The following THBS4 variants were observed in gnomAD, a reference collection of about 807,000 sequenced individuals.
The protein encoded by THBS4 is thrombospondin 4.
THBS4 carries 90 observed loss-of-function variants against 115.7 expected under a neutral mutation model. That is an observed-to-expected ratio of 0.78 (90% CI 0.66 to 0.93). The LOEUF (loss-of-function observed/expected upper bound fraction) is 0.93. Among genes scored for constraint, THBS4 ranks in the 40% least tolerant of loss-of-function variants. The pLI is 0.00. For missense variants in THBS4, 1,087 were observed against 1,232.7 expected (o/e 0.88, Z 1.77); for synonymous variants, 460 against 479.3 (o/e 0.96, Z 0.53).
At chr5:80,014,674 T>C (rs553634424) in intron 2 of THBS4, among the ~76,000 whole-genome samples, 2 of 152,226 alleles carry the variant, frequency 1.3e-5, no homozygotes, top group South Asian at 4.1e-4. Flanking sequence ...ACATTTGGGG[T>C]ATGAGGAATG....
Position 80,059,719 on chromosome 5 carries a change from G to C in THBS4, c.801G>C (p.Gln267His). 2 of 1,614,160 alleles carry C rather than the reference G, an allele frequency of 1.2e-6. No individual in the cohort carries two copies. Among genetic ancestry groups the C allele is most frequent in the Non-Finnish European group, 1.7e-6 (2 of 1,180,010 alleles). ...ECQACGPLKFQSPTPSTVVPP... is the reference protein window; with the variant it reads ...ECQACGPLKFHSPTPSTVVPP... Reference sequence around the variant, plus strand: ...TTTCTCTAGGTCCTCTCAAGTTTCAGTCTCCGACCCCAAGCACGGTGGTGC... The same window carrying C: ...TTTCTCTAGGTCCTCTCAAGTTTCACTCTCCGACCCCAAGCACGGTGGTGC... The change falls in exon 7 of 22, where the codon CAG (glutamine) becomes CAC (histidine). Residue 267 changes from glutamine (Q) to histidine (H), a missense_variant. Transcript: ENST00000350881.
upstream of THBS4, among the ~76,000 whole-genome samples, chr5:80,030,960 C>T (rs1832576104): frequency 6.6e-6 from 1 of 152,168 alleles, no homozygotes; most frequent in Non-Finnish European, 1.5e-5. Context: ...TGCCAAATAT[C>T]AGTGCACAGT....
At chr5:80,054,182 G>C (rs1301710515) in intron 2 of THBS4, among the ~76,000 whole-genome samples, 1 of 141,938 alleles carries the variant, frequency 7.0e-6, no homozygotes, top group Non-Finnish European at 1.5e-5. Context: ...TTTGAGACAG[G>C]ATCGCTCTTT....
chr5:79,992,333 T>G (rs1044933975), intron 1 of THBS4, among the ~76,000 whole-genome samples: 9 of 152,232 alleles, frequency 5.9e-5, no homozygotes, highest in African/African-American at 2.2e-4. Context: ...CTCTGAGTTC[T>G]TTCCTCTATT....
chr5:80,061,516 C>G lies in THBS4; in HGVS notation c.988-179C>G, dbSNP rs930515136. 4.6e-5 allele frequency among the ~76,000 whole-genome samples: 7 copies of G among 152,186 alleles called. No individual in the cohort carries two copies. In the South Asian group the frequency reaches 1.0e-3, roughly 22 times the overall value. On this transcript the variant is annotated intron_variant, in intron 7 of 21. Transcript: ENST00000350881. ...ACAGCAAAGCCTACTAAAAAGCAACCTCAGATTGTGTGGTCAGGGATTCAG... is the reference window on the plus strand; with the variant it reads ...ACAGCAAAGCCTACTAAAAAGCAACGTCAGATTGTGTGGTCAGGGATTCAG...
At position 80,076,858 on chromosome 5, in the gene THBS4, T is replaced by C. The variant is rs780955741; in HGVS notation, c.1896T>C (p.Asp632=). ...TCACCTGTCCTTTCTCCTGCAGTGATGGAGATGGGCACCAGGACAGCACAG... is the reference window on the plus strand; with the variant it reads ...TCACCTGTCCTTTCTCCTGCAGTGACGGAGATGGGCACCAGGACAGCACAG... The part of the protein sequence containing the change: ...GDSCDTNQDS[D]GDGHQDSTDN... Residue 632 remains aspartate (D), a synonymous_variant, in exon 16 of 22, where the codon GAT becomes GAC. Coordinates refer to ENST00000350881, the MANE Select transcript of THBS4 (RefSeq NM_003248.6). The C allele has an allele frequency of 8.2e-6, 13 of 1,580,484 alleles. No homozygotes were observed. The highest frequency in any genetic ancestry group is 3.5e-5 in the Admixed American group (2 of 57,304).
chr5:80,069,194 C>A (rs1833944609), intron 10 of THBS4, among the ~76,000 whole-genome samples: 1 of 152,226 alleles, frequency 6.6e-6, no homozygotes, highest in South Asian at 2.1e-4. Context: ...CCATCTTTAT[C>A]TCAAAGTTAT....
intron 1 of THBS4, among the ~76,000 whole-genome samples, chr5:79,993,395 C>T (rs989515979): frequency 5.9e-5 from 9 of 152,312 alleles, no homozygotes; most frequent in African/African-American, 2.2e-4. Context: ...GAGAACCACA[C>T]AGAAAATTGA....
At chr5:80,068,217 C>G (rs893295479) in intron 10 of THBS4, 92 bp downstream of exon 10, 2 of 1,471,820 alleles carry the variant, frequency 1.4e-6, no homozygotes, top group Non-Finnish European at 1.9e-6. Flanking sequence ...GGTAAAAGTA[C>G]TCCAAAATGA....
chr5:80,033,861 A>G (rs570471275), upstream of THBS4, among the ~76,000 whole-genome samples: 1 of 152,224 alleles, frequency 6.6e-6, no homozygotes, highest in African/African-American at 2.4e-5. Context: ...TAAATTCCCC[A>G]GGAGATTCTG....
At chr5:80,068,190 G>A in intron 10 of THBS4, 65 bp downstream of exon 10, 1 of 1,579,490 alleles carries the variant, frequency 6.3e-7, no homozygotes, top group Non-Finnish European at 8.7e-7. Flanking sequence ...CCTCTCTCCA[G>A]TTTCTATGTG....
At chr5:80,020,720 T>G (rs558183207) in intron 2 of THBS4, among the ~76,000 whole-genome samples, 2 of 152,290 alleles carry the variant, frequency 1.3e-5, no homozygotes, top group Admixed American at 1.3e-4. Flanking sequence ...GAGTCCTGGT[T>G]GCATAGGCTG....
At chr5:80,064,273 A>T (rs1368368057) in intron 8 of THBS4, among the ~76,000 whole-genome samples, 3 of 152,230 alleles carry the variant, frequency 2.0e-5, no homozygotes, top group Non-Finnish European at 2.9e-5. Context: ...CCAAAAAATT[A>T]AAATAATAAC....
At chr5:80,008,919 C>T (rs539399712) in intron 2 of THBS4, among the ~76,000 whole-genome samples, 49 of 152,282 alleles carry the variant, frequency 3.2e-4, no homozygotes, top group African/African-American at 1.1e-3. Flanking sequence ...AGAAAACTAA[C>T]TTGTCCTGAT....
At chr5:80,015,775 G>T (rs1035058150) in intron 2 of THBS4, among the ~76,000 whole-genome samples, 1 of 152,150 alleles carries the variant, frequency 6.6e-6, no homozygotes, top group Non-Finnish European at 1.5e-5. Flanking sequence ...CAGTCTCAGA[G>T]ATGCAGAAAC....
intron 1 of THBS4, among the ~76,000 whole-genome samples, chr5:79,992,547 T>C (rs1831704371): frequency 6.6e-6 from 1 of 152,262 alleles, no homozygotes; most frequent in Non-Finnish European, 1.5e-5. Context: ...ATGTCAGAAA[T>C]GAGAATTCAT....
At chr5:80,034,980 AG>A (rs1319159506), upstream of THBS4, among the ~76,000 whole-genome samples, 1 of 152,146 alleles carries the variant, frequency 6.6e-6, no homozygotes, top group Non-Finnish European at 1.5e-5. Flanking sequence ...AAGGAGCGCA[AG>A]GAGTAGGGGA....
intron 2 of THBS4, among the ~76,000 whole-genome samples, chr5:80,013,785 T>C (rs1832193584): frequency 1.3e-5 from 2 of 152,216 alleles, no homozygotes; most frequent in South Asian, 4.1e-4. Context: ...GATATAATAA[T>C]ACTTTCACAA....
chr5:80,070,773 C>T, intron 12 of THBS4, 23 bp downstream of exon 12: 2 of 1,608,912 alleles, frequency 1.2e-6, no homozygotes, highest in South Asian at 1.1e-5. Context: ...CTGGGAGGGC[C>T]TGTGAATTGC....
Sources: gnomAD v4.1 joint callset for allele counts (sites outside exome capture counted in the v4.1 genomes callset) on GRCh38, gnomAD v4.1.1 for gene constraint, MANE v1.5 for transcripts, NCBI Gene and HGNC (gene_info 2026-07-23, HGNC 2026-07-21) for gene names.